The following NKX2-6 variants were observed in gnomAD, a reference collection of about 807,000 sequenced individuals.
The protein encoded by NKX2-6 is homeobox protein Nkx-2.6.
Under a neutral mutation model 8.6 loss-of-function variants are expected in NKX2-6, and 8 were observed. That is an observed-to-expected ratio of 0.93 (90% CI 0.54 to 1.67). The LOEUF (loss-of-function observed/expected upper bound fraction) is 1.67, where lower values mean the gene tolerates loss of function less well. NKX2-6 is among the 40% of genes most tolerant of loss of function. The probability of loss-of-function intolerance (pLI) is 0.00; values close to 1 mark genes in which losing one functional copy is unlikely to be tolerated. For missense variants in NKX2-6, 475 were observed against 423.1 expected, an observed-to-expected ratio of 1.12 and a Z score of -1.08; for synonymous variants, 210 against 199.3, an observed-to-expected ratio of 1.05 and a Z score of -0.45.
At position 23,702,001 on chromosome 8, in the gene NKX2-6, C is replaced by T. The variant is rs1801013182; in HGVS notation, c.*450G>A. Among the ~76,000 whole-genome samples, 2 of 152,140 alleles carry T rather than the reference C, an allele frequency of 1.3e-5. No individual in the cohort carries two copies. Among genetic ancestry groups the T allele is most frequent in the Non-Finnish European group, 2.9e-5 (2 of 68,030 alleles). ...CTCTTCAGCCCCCTTCCCGCCCTCCCGTCCTCTTCTCTTTCTTCCCCAACA... is the reference window on the plus strand; with the variant it reads ...CTCTTCAGCCCCCTTCCCGCCCTCCTGTCCTCTTCTCTTTCTTCCCCAACA... On this transcript the variant is annotated 3_prime_UTR_variant, in exon 2 of 2. Transcript: ENST00000325017.
intron 1 of NKX2-6, among the ~76,000 whole-genome samples, chr8:23,703,995 C>T (rs548018336): frequency 6.6e-6 from 1 of 152,240 alleles, no homozygotes; most frequent in East Asian, 1.9e-4. Context: ...CCTTCGCAGC[C>T]CCAAGCGCAC....
Position 23,702,798 on chromosome 8 carries a change from A to G in NKX2-6, c.559T>C (p.Cys187Arg). The G allele has an allele frequency of 6.4e-7, 1 of 1,568,182 alleles. No homozygotes were observed. Among genetic ancestry groups the G allele is most frequent in the East Asian group, 2.3e-5 (1 of 42,608 alleles). The part of the protein sequence containing the change: ...KIWFQNRRYK[C>R]KRQRQDKSLE... ...GACTTGTCCTGGCGCTGTCTCTTGC[A>G]TTTGTAGCGTCGGTTCTGGAACCAG... Residue 187 changes from cysteine (C) to arginine (R), a missense_variant, in exon 2 of 2, where the codon TGC becomes CGC. Physicochemically the swap from Cys to Arg is radical, Grantham distance 180. Transcript: ENST00000325017.
intron 1 of NKX2-6, among the ~76,000 whole-genome samples, chr8:23,705,825 G>T (rs1362370414): frequency 6.6e-6 from 1 of 152,190 alleles, no homozygotes; most frequent in Non-Finnish European, 1.5e-5. Flanking sequence ...GGAATGGGGG[G>T]GTCCCCCGAC....
chr8:23,702,795 T>C lies in NKX2-6; in HGVS notation c.562A>G (p.Lys188Glu), dbSNP rs749760844. The change falls in exon 2 of 2, where the codon AAG becomes GAG. Residue 188 changes from lysine (K) to glutamate (E), a missense_variant. By Grantham distance (56) the Lys-to-Glu change is moderately conservative (BLOSUM62 1). Coordinates refer to ENST00000325017, the MANE Select transcript of NKX2-6 (RefSeq NM_001136271.3). Reference sequence around the variant, plus strand: ...AGCGACTTGTCCTGGCGCTGTCTCTTGCATTTGTAGCGTCGGTTCTGGAAC... The same window carrying C: ...AGCGACTTGTCCTGGCGCTGTCTCTCGCATTTGTAGCGTCGGTTCTGGAAC... ...IWFQNRRYKC[K>E]RQRQDKSLEL... The C allele has an allele frequency of 1.4e-5, 22 of 1,566,708 alleles. No homozygotes were observed. Among genetic ancestry groups the C allele is most frequent in the Non-Finnish European group, 1.8e-5 (21 of 1,155,392 alleles).
intron 1 of NKX2-6, among the ~76,000 whole-genome samples, chr8:23,704,119 A>G (rs765576069): frequency 6.6e-6 from 1 of 152,188 alleles, no homozygotes; most frequent in Non-Finnish European, 1.5e-5. Flanking sequence ...AACACCAGGG[A>G]TGCATCCCAG....
In NKX2-6 at chr8:23,702,931, C is replaced by A; in HGVS notation, c.426G>T (p.Ala142=). 3 of 1,549,980 alleles carry A rather than the reference C, an allele frequency of 1.9e-6. No homozygotes were observed. The highest frequency in any genetic ancestry group is 2.6e-6 in the Non-Finnish European group (3 of 1,146,484). The change falls in exon 2 of 2, where the codon GCG becomes GCT. Residue 142 remains alanine (A), a synonymous_variant. Transcript: ENST00000325017. ...AGCGCCGCTCCAGGGCCAGCACCTG[C>A]GCCTGCGAAAAGAGCACGCGCGGCT... is the stretch of plus-strand genomic sequence containing the variant. ...RRKPRVLFSQ[A]QVLALERRFK...
intron 1 of NKX2-6, among the ~76,000 whole-genome samples, chr8:23,705,348 G>T (rs1326276881): frequency 6.6e-6 from 1 of 152,192 alleles, no homozygotes; most frequent in Non-Finnish European, 1.5e-5. Flanking sequence ...TATTTCTTTC[G>T]TTCGCGCCTT....
intron 1 of NKX2-6, 30 bp downstream of exon 1, chr8:23,706,295 G>T: frequency 4.5e-6 from 6 of 1,328,304 alleles, no homozygotes; most frequent in Non-Finnish European, 6.0e-6. Flanking sequence ...CATTCCCCCC[G>T]TAGGAGGCAA....
In NKX2-6 at chr8:23,702,713, C is replaced by T. The variant is rs916318048; in HGVS notation, c.644G>A (p.Arg215His). 85 of 1,551,326 alleles carry T rather than the reference C, an allele frequency of 5.5e-5. No individual in the cohort carries two copies. Among genetic ancestry groups the T allele is most frequent in the Non-Finnish European group, 7.1e-5 (82 of 1,146,884 alleles). ...PRRVAVPVLV[R>H]DGKPCLGPGP... ...GGGGCCCAGGCAGGGCTTGCCATCG[C>T]GCACCAGGACGGGCACAGCTACTCG... The change falls in exon 2 of 2, where the codon CGC becomes CAC. Residue 215 changes from arginine to histidine, a missense_variant. Coordinates refer to ENST00000325017, the MANE Select transcript of NKX2-6 (RefSeq NM_001136271.3).
In NKX2-6 at chr8:23,702,529, C is replaced by A. The variant is rs1450483760; in HGVS notation, c.828G>T (p.Ala276=). The A allele has an allele frequency of 2.0e-6, 3 of 1,538,206 alleles. No homozygotes were observed. The highest frequency in any genetic ancestry group is 1.8e-6 in the Non-Finnish European group (2 of 1,142,636). Residue 276 remains alanine (A), a synonymous_variant, in exon 2 of 2, where the codon GCG becomes GCT. Transcript: ENST00000325017. ...CATTCTGGCCACCGTGTCCGAAGCC[C>A]GCGCTGGCCAGTGGTGTGTGTGGCG... ...GPAPHTPLAS[A]GFGHGGQNAT...
intron 1 of NKX2-6, among the ~76,000 whole-genome samples, chr8:23,703,784 G>A (rs1288671091): frequency 1.3e-5 from 2 of 152,160 alleles, no homozygotes; most frequent in Non-Finnish European, 2.9e-5. Context: ...TGTGAGTGGA[G>A]GTGTCTATCA....
chr8:23,702,651 C>T lies in NKX2-6; in HGVS notation c.706G>A (p.Ala236Thr). Residue 236 changes from alanine (A) to threonine (T), a missense_variant, in exon 2 of 2, where the codon GCA (alanine) becomes ACA (threonine). Physicochemically the swap from Ala to Thr is moderately conservative, Grantham distance 58. Coordinates refer to ENST00000325017, the MANE Select transcript of NKX2-6 (RefSeq NM_001136271.3). ...TAGCAAGAGTAGGGCGACACTGCTG[C>T]ACTGTAGGGGCTGGGGAAGGCAGGT... The part of the protein sequence containing the change: ...GAPAFPSPYS[A>T]AVSPYSCYGG... The T allele has an allele frequency of 8.4e-6, 13 of 1,550,446 alleles. No individual in the cohort carries two copies. The highest frequency in any genetic ancestry group is 1.1e-5 in the Non-Finnish European group (13 of 1,146,518).
chr8:23,702,863 A>G lies in NKX2-6; in HGVS notation c.494T>C (p.Leu165Pro), dbSNP rs1258407283. The G allele has an allele frequency of 6.4e-7, 1 of 1,565,078 alleles. No individual in the cohort carries two copies. Among genetic ancestry groups the G allele is most frequent in the Non-Finnish European group, 8.7e-7 (1 of 1,154,550 alleles). Residue 165 changes from leucine (L) to proline (P), a missense_variant, in exon 2 of 2, where the codon CTG becomes CCG. Leu to Pro is a moderately conservative substitution (Grantham distance 98, BLOSUM62 -3). Transcript: ENST00000325017. ...RYLSAPEREHLASALQLTSTQ... is the reference protein window; with the variant it reads ...RYLSAPEREHPASALQLTSTQ... ...GGACGTGAGCTGCAGCGCGCTGGCC[A>G]GGTGCTCGCGCTCGGGCGCTGACAG...
chr8:23,704,550 T>C (rs1355182483), intron 1 of NKX2-6, among the ~76,000 whole-genome samples: 1 of 152,164 alleles, frequency 6.6e-6, no homozygotes, highest in Non-Finnish European at 1.5e-5. Context: ...GGGACAGGAC[T>C]CTAAATGAGC....
Position 23,702,684 on chromosome 8 carries a change from GC to G in NKX2-6, c.672del (p.Gly226AlafsTer100). On this transcript the variant is annotated frameshift_variant, in exon 2 of 2. Transcript: ENST00000325017. LOFTEE classifies it low-confidence loss of function (END_TRUNC). ...VRDGKPCLGP[G>X]PGAPAFPSPY... ...GGGCTGGGGAAGGCAGGTGCGCCGG[GC>G]CCGGGGCCCAGGCAGGGCTTGCCAT... 7.1e-6 allele frequency: 11 copies of G among 1,550,946 alleles called. No homozygotes were observed. The highest frequency in any genetic ancestry group is 7.8e-6 in the Non-Finnish European group (9 of 1,146,626).
intron 1 of NKX2-6, among the ~76,000 whole-genome samples, chr8:23,705,819 T>C (rs1563304859): frequency 1.3e-5 from 2 of 152,128 alleles, no homozygotes; most frequent in African/African-American, 2.4e-5. Flanking sequence ...TGAGGAGGAA[T>C]GGGGGGGTCC....
At chr8:23,703,721 CAAACAA>C (rs1801046664) in intron 1 of NKX2-6, among the ~76,000 whole-genome samples, 2 of 116,984 alleles carry the variant, frequency 1.7e-5, no homozygotes, top group Non-Finnish European at 4.0e-5. Context: ...AAAAAACAAA[CAAACAA>C]AAAAAAAACT....
In NKX2-6 at chr8:23,702,994, A is replaced by G; in HGVS notation, c.363T>C (p.Gly121=). The change falls in exon 2 of 2, where the codon GGT becomes GGC. Residue 121 remains glycine (G), a synonymous_variant. Transcript: ENST00000325017. ...GVGNSGDSVR[G]GRSEQPKARQ... Reference sequence around the variant, plus strand: ...GCGCCTTGGGCTGCTCCGAGCGGCCACCCCGCACGCTGTCGCCGCTGTTGC... The same window carrying G: ...GCGCCTTGGGCTGCTCCGAGCGGCCGCCCCGCACGCTGTCGCCGCTGTTGC... The G allele has an allele frequency of 6.5e-7, 1 of 1,541,060 alleles. No homozygotes were observed. The highest frequency in any genetic ancestry group is 8.7e-7 in the Non-Finnish European group (1 of 1,145,018).
In NKX2-6 at chr8:23,706,339, C is replaced by A; in HGVS notation, c.260G>T (p.Arg87Leu). 1 of 1,549,652 alleles carries A rather than the reference C, an allele frequency of 6.5e-7. No individual in the cohort carries two copies. Among genetic ancestry groups the A allele is most frequent in the Non-Finnish European group, 8.7e-7 (1 of 1,145,520 alleles). The change falls in exon 1 of 2, where the codon CGG becomes CTG. Residue 87 changes from arginine (R) to leucine (L), a missense_variant. Transcript: ENST00000325017. ...CEAVLEMDAE[R>L]MGEPQPGLNA... is the part of the protein sequence containing the mutation. ...CGCTTACTCACGTGGCTCCCCCATC[C>A]GTTCCGCGTCCATCTCCAAGACTGC...
Sources: gnomAD v4.1 joint callset for allele counts (sites outside exome capture counted in the v4.1 genomes callset) on GRCh38, gnomAD v4.1.1 for gene constraint, MANE v1.5 for transcripts, NCBI Gene and HGNC (gene_info 2026-07-23, HGNC 2026-07-21) for gene names.